The following ASIC2 variants were observed in gnomAD, a reference collection of about 807,000 sequenced individuals.
ASIC2 encodes the protein acid-sensing ion channel 2.
A neutral mutation model predicts 57.3 loss-of-function variants in ASIC2; 25 were observed. That is an observed-to-expected ratio of 0.44 (90% CI 0.32 to 0.61). The LOEUF is 0.61. ASIC2 is among the 20% of genes least tolerant of loss of function. The pLI, the probability that ASIC2 is intolerant of heterozygous loss-of-function variation, is 0.06. For missense variants in ASIC2, 641 were observed against 738.1 expected (o/e 0.87, Z 1.52); for synonymous variants, 319 against 307.5 (o/e 1.04, Z -0.39).
intron 1 of ASIC2, among the ~76,000 whole-genome samples, chr17:33,382,952 G>A (rs1909541316): frequency 6.6e-6 from 1 of 151,980 alleles, no homozygotes; most frequent in Non-Finnish European, 1.5e-5. Flanking sequence ...GCCGTTCCCT[G>A]TGCCTACAAG....
At chr17:33,388,714 G>A (rs932016123) in intron 1 of ASIC2, among the ~76,000 whole-genome samples, 4 of 152,206 alleles carry the variant, frequency 2.6e-5, no homozygotes, top group East Asian at 3.9e-4. Context: ...GAGCCCAGGT[G>A]TCTCTTAGTA....
chr17:33,704,171 T>TC (rs1908792872), intron 1 of ASIC2, among the ~76,000 whole-genome samples: 1 of 152,152 alleles, frequency 6.6e-6, no homozygotes, highest in Non-Finnish European at 1.5e-5. Context: ...GCATTAGCAT[T>TC]GTAATTGGAC....
At chr17:33,204,322 T>C (rs56162971) in intron 1 of ASIC2, among the ~76,000 whole-genome samples, 2,117 of 152,310 alleles carry the variant, frequency 0.014, 27 homozygotes, top group Middle Eastern at 0.031. Context: ...GCTCAGCCCA[T>C]GTCCAGCTGC....
intron 1 of ASIC2, among the ~76,000 whole-genome samples, chr17:33,153,915 G>A (rs1027530573): frequency 5.9e-5 from 9 of 152,280 alleles, no homozygotes; most frequent in African/African-American, 1.9e-4. Context: ...GAGCTCCTGC[G>A]GGTTTGGCAA....
At chr17:33,177,906 C>T (rs1338712832) in intron 1 of ASIC2, among the ~76,000 whole-genome samples, 1 of 152,134 alleles carries the variant, frequency 6.6e-6, no homozygotes, top group African/African-American at 2.4e-5. Context: ...AGTTCCTGAC[C>T]TTACTCTGGT....
chr17:33,919,665 G>T (rs1013889634), intron 1 of ASIC2, among the ~76,000 whole-genome samples: 1 of 152,108 alleles, frequency 6.6e-6, no homozygotes, highest in African/African-American at 2.4e-5. Context: ...AGCAAAAATT[G>T]ACAAGTGGGA....
chr17:33,874,932 C>G (rs992456553), intron 1 of ASIC2, among the ~76,000 whole-genome samples: 1 of 152,190 alleles, frequency 6.6e-6, no homozygotes, highest in Non-Finnish European at 1.5e-5. Flanking sequence ...GTATTCCTGT[C>G]CTGATAAAAT....
intron 1 of ASIC2, among the ~76,000 whole-genome samples, chr17:33,542,520 G>C (rs1915445142): frequency 8.7e-6 from 1 of 115,406 alleles, no homozygotes; most frequent in Non-Finnish European, 1.8e-5. Flanking sequence ...TTTTTCATGT[G>C]TTTTTTGGCT....
chr17:33,370,743 G>C, intron 1 of ASIC2, among the ~76,000 whole-genome samples: 1 of 152,192 alleles, frequency 6.6e-6, no homozygotes, highest in East Asian at 1.9e-4. Flanking sequence ...AGCAGGATTT[G>C]GAAAAGACTC....
chr17:33,894,405 A>G (rs553865244), intron 1 of ASIC2, among the ~76,000 whole-genome samples: 33 of 151,030 alleles, frequency 2.2e-4, no homozygotes, highest in Admixed American at 9.3e-4. Flanking sequence ...TCTGGGCCTC[A>G]TGATGTTCCA....
chr17:33,461,094 G>T (rs1004653483), intron 1 of ASIC2, among the ~76,000 whole-genome samples: 3 of 152,122 alleles, frequency 2.0e-5, no homozygotes, highest in Non-Finnish European at 2.9e-5. Flanking sequence ...CATCTCCCTA[G>T]CTCTATATAA....
chr17:33,079,031 T>C (rs889346929), intron 3 of ASIC2, among the ~76,000 whole-genome samples: 1 of 152,130 alleles, frequency 6.6e-6, no homozygotes, highest in Non-Finnish European at 1.5e-5. Flanking sequence ...ATTTGGGCTT[T>C]ATTTTATGGG....
At chr17:33,672,839 G>A (rs1349894815) in intron 1 of ASIC2, among the ~76,000 whole-genome samples, 4 of 152,130 alleles carry the variant, frequency 2.6e-5, no homozygotes, top group Middle Eastern at 3.2e-3. Flanking sequence ...TGGAACATAC[G>A]GCAGAGCCTC....
intron 1 of ASIC2, among the ~76,000 whole-genome samples, chr17:33,766,160 G>C (rs903862488): frequency 1.3e-5 from 2 of 152,014 alleles, no homozygotes; most frequent in African/African-American, 4.8e-5. Flanking sequence ...GAGAGAGAGA[G>C]GCCACATTTA....
chr17:33,164,887 A>T (rs1905263204), intron 1 of ASIC2, among the ~76,000 whole-genome samples: 1 of 152,116 alleles, frequency 6.6e-6, no homozygotes, highest in Non-Finnish European at 1.5e-5. Flanking sequence ...ACACACTCCT[A>T]ACCTCCAACA....
intron 1 of ASIC2, among the ~76,000 whole-genome samples, chr17:33,503,356 C>G (rs78809201): frequency 6.6e-6 from 1 of 152,130 alleles, no homozygotes; most frequent in Non-Finnish European, 1.5e-5. Context: ...TGTCCCACCC[C>G]CCTTGCAAGA....
intron 1 of ASIC2, among the ~76,000 whole-genome samples, chr17:33,248,774 C>T (rs1017847359): frequency 2.0e-5 from 3 of 152,224 alleles, no homozygotes; most frequent in African/African-American, 4.8e-5. Flanking sequence ...TCCCCCTCTG[C>T]TGCTGATAGA....
At chr17:33,207,321 TA>T (rs1427956854) in intron 1 of ASIC2, among the ~76,000 whole-genome samples, 1 of 152,246 alleles carries the variant, frequency 6.6e-6, no homozygotes, top group African/African-American at 2.4e-5. Flanking sequence ...ATTTGACAGA[TA>T]GAAGAAGCTA....
intron 1 of ASIC2, among the ~76,000 whole-genome samples, chr17:33,721,350 T>G (rs1909382563): frequency 6.6e-6 from 1 of 152,240 alleles, no homozygotes; most frequent in Admixed American, 6.5e-5. Context: ...TTTGAAGGCA[T>G]GACCATCTGC....
Sources: allele counts gnomAD v4.1 joint callset (sites outside exome capture counted in the v4.1 genomes callset), GRCh38; gene constraint gnomAD v4.1.1; transcripts MANE v1.5; gene names NCBI Gene and HGNC (gene_info 2026-07-23, HGNC 2026-07-21).